PRKX: variants seen among roughly 807,000 people sequenced by gnomAD.
PRKX encodes protein kinase cAMP-dependent X-linked catalytic subunit.
Under a neutral mutation model 22.0 loss-of-function variants are expected in PRKX, and 12 were observed. That is an observed-to-expected ratio of 0.54 (90% CI 0.35 to 0.88). The LOEUF (loss-of-function observed/expected upper bound fraction) is 0.88, where lower values mean the gene tolerates loss of function less well. PRKX is among the 40% of genes least tolerant of loss of function. The pLI, the probability that PRKX is intolerant of heterozygous loss-of-function variation, is 0.01. For synonymous variants in PRKX, 134 were observed against 137.7 expected (o/e 0.97, Z 0.19); for missense variants, 217 against 308.0 (o/e 0.70, Z 2.21).
At chrX:3,623,442 G>A (rs1158027326) in intron 5 of PRKX, among the ~76,000 whole-genome samples, 1 of 110,489 alleles carries the variant, frequency 9.1e-6, no homozygotes, top group East Asian at 2.8e-4. Flanking sequence ...TGTAGCACCA[G>A]TTACTCGGGA....
At chrX:3,689,630 T>C (rs1246985783) in intron 1 of PRKX, among the ~76,000 whole-genome samples, 3 of 111,823 alleles carry the variant, frequency 2.7e-5, no homozygotes, top group Admixed American at 9.5e-5. Flanking sequence ...CAGTGAGTAG[T>C]GATCGCACCC....
chrX:3,626,461 G>A lies in PRKX; in HGVS notation c.773C>T (p.Ala258Val), dbSNP rs1345395982. The A allele has an allele frequency of 4.1e-6, 5 of 1,210,725 alleles. No homozygotes were observed. The Admixed American group carries it at 8.7e-5, about 21-fold the overall frequency. Residue 258 changes from alanine to valine, a missense_variant, in exon 5 of 9, where the codon GCA becomes GTA. Transcript: ENST00000262848. The stretch of plus-strand genomic sequence containing the variant: ...ATGTCTGGGGAAATCTATTTTGCCT[G>A]CAAGAATTTTCTGATAAATGCCAAA... ...NPFGIYQKIL[A>V]GKIDFPRHLD...
intron 1 of PRKX, among the ~76,000 whole-genome samples, chrX:3,696,135 C>T (rs1320334991): frequency 9.1e-6 from 1 of 109,888 alleles, no homozygotes; most frequent in African/African-American, 3.3e-5. Flanking sequence ...ATTAAAGGGA[C>T]CCTAGAGAGC....
chrX:3,702,593 T>C (rs758691921), intron 1 of PRKX, among the ~76,000 whole-genome samples: 9 of 104,656 alleles, frequency 8.6e-5, no homozygotes, highest in African/African-American at 3.1e-4. Context: ...ACAACTTCCT[T>C]TTTCTATGTC....
intron 3 of PRKX, among the ~76,000 whole-genome samples, chrX:3,644,339 C>G (rs1181909122): frequency 2.2e-5 from 2 of 91,630 alleles, no homozygotes; most frequent in Non-Finnish European, 4.1e-5. Context: ...GAGGTCAACA[C>G]TGCAGGGAGC....
At position 3,658,933 on chromosome X, in the gene PRKX, G is replaced by A. The variant is rs751262357; in HGVS notation, c.336-3521C>T. On this transcript the variant is annotated intron_variant, in intron 2 of 8. Transcript: ENST00000262848. ...AACAATGTAGAATGAAGGCAAGGAC[G>A]TGGGAGACAGCTTGCAATGACACAG... Among the ~76,000 whole-genome samples, 6 of 111,675 alleles carry A rather than the reference G, an allele frequency of 5.4e-5. No homozygotes were observed. The South Asian group carries it at 2.3e-3, about 43-fold the overall frequency.
rs1336927308 is a variant in PRKX at position 3,693,686 on chromosome X, C to T, written c.167-18920G>A. ...GGCGCGGTGGCTCACGCCTGTAATC[C>T]CAGCACTTTGGGAGGCTGAGGCGGA... On this transcript the variant is annotated intron_variant, in intron 1 of 8. Transcript: ENST00000262848. 3.6e-5 allele frequency among the ~76,000 whole-genome samples: 4 copies of T among 110,471 alleles called. No homozygotes were observed. In the Admixed American group the frequency reaches 3.9e-4, roughly 11 times the overall value.
intron 1 of PRKX, among the ~76,000 whole-genome samples, chrX:3,711,717 C>A (rs1452837405): frequency 9.0e-6 from 1 of 110,533 alleles, no homozygotes; most frequent in Non-Finnish European, 1.9e-5. Flanking sequence ...GGACAGCTTT[C>A]CGGGGGGACC....
chrX:3,701,871 G>A (rs1308075016), intron 1 of PRKX, among the ~76,000 whole-genome samples: 1 of 111,915 alleles, frequency 8.9e-6, no homozygotes, highest in African/African-American at 3.2e-5. Context: ...GCAACGTCAG[G>A]AAGTTACCCT....
intron 6 of PRKX, among the ~76,000 whole-genome samples, chrX:3,618,809 G>T (rs891909705): frequency 1.8e-5 from 2 of 111,074 alleles, no homozygotes; most frequent in Admixed American, 9.7e-5. Flanking sequence ...ATTCCCAGCA[G>T]ATTCTAGATA....
At chrX:3,609,568 C>T (rs138659654) in intron 8 of PRKX, among the ~76,000 whole-genome samples, 16 of 111,575 alleles carry the variant, frequency 1.4e-4, no homozygotes, top group African/African-American at 4.6e-4. Flanking sequence ...GAGCCTCTCA[C>T]CTCAGCCTCT....
chrX:3,694,022 G>A (rs768200564), intron 1 of PRKX, among the ~76,000 whole-genome samples: 7 of 108,811 alleles, frequency 6.4e-5, no homozygotes, highest in African/African-American at 2.0e-4. Context: ...AGGCCATCCT[G>A]GATTTAGGGT....
intron 1 of PRKX, among the ~76,000 whole-genome samples, chrX:3,678,831 T>C (rs1378258889): frequency 9.0e-6 from 1 of 111,395 alleles, no homozygotes; most frequent in Admixed American, 9.6e-5. Flanking sequence ...GAGGAGAAAA[T>C]GTCTATTTGT....
At position 3,689,849 on chromosome X, in the gene PRKX, A is replaced by C. The variant is rs181980423; in HGVS notation, c.167-15083T>G. ...AAAATTAGCCGAGTGTGGTGGCGGAAGCCTGTAGTCCCAGCTACTCAGGAG... is the reference window on the plus strand; with the variant it reads ...AAAATTAGCCGAGTGTGGTGGCGGACGCCTGTAGTCCCAGCTACTCAGGAG... On this transcript the variant is annotated intron_variant, in intron 1 of 8. Transcript: ENST00000262848. Among the ~76,000 whole-genome samples, 607 of 111,113 alleles carry C rather than the reference A, an allele frequency of 5.5e-3. 1 individual carries two copies. The highest frequency in any genetic ancestry group is 0.014 in the Middle Eastern group (3 of 216).
At chrX:3,699,337 T>C (rs1928510713) in intron 1 of PRKX, among the ~76,000 whole-genome samples, 1 of 105,553 alleles carries the variant, frequency 9.5e-6, no homozygotes, top group African/African-American at 3.5e-5. Context: ...GTGCCCGGCA[T>C]TTTTTAAAGT....
chrX:3,693,256 C>A (rs1928370572), intron 1 of PRKX, among the ~76,000 whole-genome samples: 1 of 111,741 alleles, frequency 8.9e-6, no homozygotes, highest in South Asian at 3.8e-4. Context: ...TGGGATGCAT[C>A]TAACCTTGGT....
chrX:3,710,026 C>T (rs1248117383), intron 1 of PRKX, among the ~76,000 whole-genome samples: 2 of 108,853 alleles, frequency 1.8e-5, no homozygotes, highest in African/African-American at 6.7e-5. Flanking sequence ...GGCCTCAAGT[C>T]ATCCTCCCAC....
chrX:3,652,452 C>T (rs1475951300), intron 3 of PRKX, among the ~76,000 whole-genome samples: 7 of 107,517 alleles, frequency 6.5e-5, no homozygotes, highest in Admixed American at 1.0e-4. Context: ...GGCCTGGTGG[C>T]GGGCACCTGT....
intron 6 of PRKX, 35 bp downstream of exon 6, chrX:3,621,224 G>C (rs779281314): frequency 2.6e-6 from 3 of 1,166,982 alleles, no homozygotes; most frequent in Non-Finnish European, 2.3e-6. Flanking sequence ...ACGCACATCG[G>C]GTACCACTGA....
Sources: gnomAD v4.1 joint callset for allele counts (sites outside exome capture counted in the v4.1 genomes callset) on GRCh38, gnomAD v4.1.1 for gene constraint, MANE v1.5 for transcripts, NCBI Gene and HGNC (gene_info 2026-07-23, HGNC 2026-07-21) for gene names.